TRPM1: variants seen among roughly 807,000 people sequenced by gnomAD.
The protein encoded by TRPM1 is transient receptor potential cation channel subfamily M member 1.
TRPM1 carries 113 observed loss-of-function variants against 149.4 expected under a neutral mutation model. That is an observed-to-expected ratio of 0.76 (90% CI 0.65 to 0.88). TRPM1 has a LOEUF of 0.88. Ranked by LOEUF, TRPM1 falls within the 40% of genes least tolerant of loss-of-function variation. The pLI is 0.00. For synonymous variants in TRPM1, 741 were observed against 759.5 expected, an observed-to-expected ratio of 0.98 and a Z score of 0.40; for missense variants, 1,976 against 2,038.7, an observed-to-expected ratio of 0.97 and a Z score of 0.59.
At chr15:31,005,638 G>A (rs1200995474) in intron 27 of TRPM1, among the ~76,000 whole-genome samples, 1 of 152,188 alleles carries the variant, frequency 6.6e-6, no homozygotes, top group African/African-American at 2.4e-5. Context: ...CAGCTACAAC[G>A]TGGATACAGC....
chr15:31,074,836 C>G (rs1462228707), intron 3 of TRPM1, among the ~76,000 whole-genome samples: 2 of 152,144 alleles, frequency 1.3e-5, no homozygotes, highest in African/African-American at 4.8e-5. Context: ...GTCCGTACTA[C>G]TTTACCTGCA....
At chr15:31,145,549 T>G (rs542730614) in intron 1 of TRPM1, among the ~76,000 whole-genome samples, 1 of 152,152 alleles carries the variant, frequency 6.6e-6, no homozygotes, top group South Asian at 2.1e-4. Context: ...AACACAACTG[T>G]TTTTTCAAAT....
rs762961492 is a variant in TRPM1 at position 31,040,095 on chromosome 15, G to A, written c.2316+23C>T. ...TCACTTGTCACTGTCACCCTGGCCC[G>A]CCTCGCAGCACGTTGCACGCACCTT... On this transcript the variant is annotated intron_variant, in intron 18 of 27. Coordinates refer to ENST00000256552, the MANE Select transcript of TRPM1 (RefSeq NM_001252024.2). This position sits in a 1 kb window ranked among gnomAD's most constrained non-coding sequence, Gnocchi z 4.2. The A allele has an allele frequency of 3.7e-6, 6 of 1,608,598 alleles. No individual in the cohort carries two copies. Among genetic ancestry groups the A allele is most frequent in the Middle Eastern group, 1.6e-4 (1 of 6,074 alleles).
In TRPM1 at chr15:31,007,652, G is replaced by GCAACAA. The variant is rs55739225; in HGVS notation, c.3630-4588_3630-4583dup. Among the ~76,000 whole-genome samples the GCAACAA allele has an allele frequency of 5.4e-4, 75 of 139,908 alleles. 1 individual carries two copies. In the East Asian group the frequency reaches 7.0e-3, roughly 13 times the overall value. The allele number at this position is 139,908 out of a possible 152,430, so 91.8% of individuals were successfully genotyped here. A position where few individuals can be genotyped will look rare whatever the true frequency, so the allele number is the denominator to read the frequency against. On this transcript the variant is annotated intron_variant, in intron 27 of 27. Coordinates refer to ENST00000256552, the MANE Select transcript of TRPM1 (RefSeq NM_001252024.2). The stretch of plus-strand genomic sequence containing the variant: ...CTTCGTCTATAACAACAGCAGCGCA[G>GCAACAA]CAACAACAACAACAACAACAACAAC...
At chr15:31,033,791 A>G (rs374246035) in intron 21 of TRPM1, among the ~76,000 whole-genome samples, 1 of 152,222 alleles carries the variant, frequency 6.6e-6, no homozygotes, top group Non-Finnish European at 1.5e-5. Flanking sequence ...GTGGACCCTC[A>G]GCAAGGCCAG....
chr15:31,061,590 C>G (rs2034234050), intron 9 of TRPM1, 76 bp from the exon 10 acceptor site: 1 of 1,211,114 alleles, frequency 8.3e-7, no homozygotes, highest in Non-Finnish European at 1.2e-6. Context: ...ACAAAATGAC[C>G]ACAGAGACTG....
intron 1 of TRPM1, among the ~76,000 whole-genome samples, chr15:31,132,321 A>G (rs1298168598): frequency 6.6e-6 from 1 of 152,188 alleles, no homozygotes; most frequent in Admixed American, 6.5e-5. Flanking sequence ...CTGCACCCTG[A>G]AAGCTCAAGT....
chr15:31,072,016 T>C (rs201297691), intron 3 of TRPM1, among the ~76,000 whole-genome samples: 535 of 30,690 alleles, frequency 0.017, 28 homozygotes, highest in African/African-American at 0.06. Context: ...TATATATATA[T>C]ATAGAGAGAG....
At chr15:31,153,475 C>T (rs901794992) in intron 1 of TRPM1, among the ~76,000 whole-genome samples, 2 of 152,180 alleles carry the variant, frequency 1.3e-5, no homozygotes, top group Admixed American at 6.5e-5. Flanking sequence ...CAGGAACCTG[C>T]CACCATGCCT....
At chr15:31,031,571 C>T (rs566168787) in intron 22 of TRPM1, among the ~76,000 whole-genome samples, 1 of 152,286 alleles carries the variant, frequency 6.6e-6, no homozygotes, top group East Asian at 1.9e-4. Context: ...AACATTTATT[C>T]ATTCACTACA....
At chr15:31,092,678 A>G (rs1355858072) in intron 1 of TRPM1, among the ~76,000 whole-genome samples, 1 of 152,208 alleles carries the variant, frequency 6.6e-6, no homozygotes, top group East Asian at 1.9e-4. Flanking sequence ...TTGTGCATGT[A>G]TGTATCTTCC....
At chr15:31,089,000 A>T (rs1230360002) in intron 1 of TRPM1, among the ~76,000 whole-genome samples, 1 of 152,152 alleles carries the variant, frequency 6.6e-6, no homozygotes, top group Non-Finnish European at 1.5e-5. Flanking sequence ...GCAGTTCTAG[A>T]TTTAGGGTGA....
intron 1 of TRPM1, among the ~76,000 whole-genome samples, chr15:31,160,129 C>T (rs1222662276): frequency 6.6e-6 from 1 of 152,174 alleles, no homozygotes; most frequent in Non-Finnish European, 1.5e-5. Flanking sequence ...TCTGGGCTTG[C>T]CTCCCACTGC....
intron 1 of TRPM1, among the ~76,000 whole-genome samples, chr15:31,141,149 A>G (rs1003738952): frequency 2.6e-5 from 4 of 151,948 alleles, no homozygotes; most frequent in African/African-American, 4.8e-5. Flanking sequence ...TTGTTTTTAT[A>G]TGGTATGGTG....
intron 1 of TRPM1, among the ~76,000 whole-genome samples, chr15:31,135,832 C>T (rs2141047339): frequency 6.6e-6 from 1 of 152,292 alleles, no homozygotes; most frequent in Middle Eastern, 3.4e-3. Flanking sequence ...TGAGTGGAGG[C>T]AGCCTGAAGC....
At chr15:31,151,966 G>A (rs2036309208) in intron 1 of TRPM1, among the ~76,000 whole-genome samples, 1 of 152,232 alleles carries the variant, frequency 6.6e-6, no homozygotes, top group Admixed American at 6.5e-5. Context: ...AGAGAACGAG[G>A]TACTGGACTT....
intron 2 of TRPM1, among the ~76,000 whole-genome samples, chr15:31,079,854 T>C (rs2034809803): frequency 6.6e-6 from 1 of 152,170 alleles, no homozygotes; most frequent in Non-Finnish European, 1.5e-5. Flanking sequence ...CTAAAAGGAA[T>C]CCAGGGCTGG....
At chr15:31,013,088 C>T (rs1195484189) in intron 27 of TRPM1, among the ~76,000 whole-genome samples, 1 of 151,540 alleles carries the variant, frequency 6.6e-6, no homozygotes, top group Non-Finnish European at 1.5e-5. Context: ...TCAAGCAATC[C>T]TCCCACCTCA....
At chr15:31,010,696 A>T (rs1355988925) in intron 27 of TRPM1, among the ~76,000 whole-genome samples, 1 of 152,218 alleles carries the variant, frequency 6.6e-6, no homozygotes, top group Non-Finnish European at 1.5e-5. Context: ...GGCCTAACAG[A>T]TGATGTATCT....
Sources: allele counts gnomAD v4.1 joint callset (sites outside exome capture counted in the v4.1 genomes callset), GRCh38; gene constraint gnomAD v4.1.1; non-coding constraint Gnocchi (gnomAD v3.1); transcripts MANE v1.5; gene names NCBI Gene and HGNC (gene_info 2026-07-23, HGNC 2026-07-21).